Variants in TOGARAM2 observed in about 807,000 individuals in gnomAD.
TOGARAM2 encodes the protein TOG array regulator of axonemal microtubules 2.
In TOGARAM2, 85 loss-of-function variants were observed where a neutral mutation model predicts 93.3. That is an observed-to-expected ratio of 0.91 (90% CI 0.76 to 1.09). TOGARAM2 has a LOEUF of 1.09. Among genes scored for constraint, TOGARAM2 ranks in the 50% least tolerant of loss-of-function variants. TOGARAM2 has a pLI of 0.00. For synonymous variants in TOGARAM2, 593 were observed against 552.8 expected (o/e 1.07, Z -1.02); for missense variants, 1,277 against 1,334.5 (o/e 0.96, Z 0.67).
Position 29,031,190 on chromosome 2 carries a change from G to T in TOGARAM2, c.2013-1744G>T, listed in dbSNP as rs1416139413. 2.6e-5 allele frequency among the ~76,000 whole-genome samples: 4 copies of T among 152,214 alleles called. No homozygotes were observed. In the East Asian group the frequency reaches 5.8e-4, roughly 22 times the overall value. On this transcript the variant is annotated intron_variant, in intron 14 of 19. Transcript: ENST00000379558. ...TTGTAGTTTTAAGAGATGGGGTCTT[G>T]CTATGTTGCCCAGGTTGGAGTGCAG...
chr2:28,980,177 G>A (rs1672124507), upstream of TOGARAM2, among the ~76,000 whole-genome samples: 1 of 152,180 alleles, frequency 6.6e-6, no homozygotes, highest in Admixed American at 6.5e-5. Context: ...TCTGGCTTGG[G>A]GCCAGCACCT....
chr2:29,038,564 C>G (rs2148383744), intron 18 of TOGARAM2, among the ~76,000 whole-genome samples: 1 of 152,290 alleles, frequency 6.6e-6, no homozygotes, highest in South Asian at 2.1e-4. Context: ...CAATCTCTGC[C>G]TCCTAAGTAG....
Position 29,014,455 on chromosome 2 carries a change from T to G in TOGARAM2, c.938T>G (p.Leu313Arg). ...DRPAAAKKPALPFSQSAPTLT... is the reference protein window; with the variant it reads ...DRPAAAKKPARPFSQSAPTLT... ...CCTGCCGCTGCCAAGAAGCCTGCCC[T>G]GCCTTTTTCTCAGTCTGCTCCCACG... The change falls in exon 8 of 20, where the codon CTG becomes CGG. Residue 313 changes from leucine to arginine, a missense_variant. Coordinates refer to ENST00000379558, the MANE Select transcript of TOGARAM2 (RefSeq NM_199280.4). The G allele has an allele frequency of 1.2e-6, 2 of 1,606,908 alleles. No homozygotes were observed. The highest frequency in any genetic ancestry group is 1.7e-6 in the Non-Finnish European group (2 of 1,176,932).
intron 1 of TOGARAM2, among the ~76,000 whole-genome samples, chr2:28,975,073 A>AT (rs891174957): frequency 7.8e-5 from 11 of 141,774 alleles, no homozygotes; most frequent in African/African-American, 1.8e-4. Context: ...TCTTTCTTAA[A>AT]TTTTTTTTTT....
chr2:28,996,187 G>A (rs2148272417), intron 2 of TOGARAM2, among the ~76,000 whole-genome samples: 1 of 152,320 alleles, frequency 6.6e-6, no homozygotes, highest in Non-Finnish European at 1.5e-5. Flanking sequence ...CATTCAATGA[G>A]TAATGATCAA....
At chr2:29,003,871 C>G (rs1028155946) in intron 6 of TOGARAM2, among the ~76,000 whole-genome samples, 189 bp downstream of exon 6, 1 of 152,256 alleles carries the variant, frequency 6.6e-6, no homozygotes, top group Non-Finnish European at 1.5e-5. Flanking sequence ...GCCGGGGCTT[C>G]TCTGCCTCTT....
At position 29,045,390 on chromosome 2, in the gene TOGARAM2, A is replaced by G; in HGVS notation, c.2702A>G (p.Asp901Gly). The G allele has an allele frequency of 6.2e-7, 1 of 1,613,488 alleles. No individual in the cohort carries two copies. Residue 901 changes from aspartate (D) to glycine (G), a missense_variant, in exon 19 of 20, where the codon GAT (aspartate) becomes GGT (glycine). Physicochemically the swap from Asp to Gly is moderately conservative, Grantham distance 94. Transcript: ENST00000379558. ...TTCCTGAGTGGCCGTGCGGTGCTGGATGTCACAGATCGCCTGGCAGGTGAG... is the reference window on the plus strand; with the variant it reads ...TTCCTGAGTGGCCGTGCGGTGCTGGGTGTCACAGATCGCCTGGCAGGTGAG... ...VRFLSGRAVL[D>G]VTDRLAVLVA... is the part of the protein sequence containing the mutation.
chr2:29,017,225 T>G lies in TOGARAM2; in HGVS notation c.1116T>G (p.Leu372=), dbSNP rs1397166032. ...QLKQMKEMEL[L]RRLEEPRTGQ... is the part of the protein sequence containing the mutation. ...AGCAGATGAAGGAGATGGAGCTGCT[T>G]CGGAGGCTGGAGGAGCCCAGGACAG... The change falls in exon 9 of 20, where the codon CTT becomes CTG. Residue 372 remains leucine (L), a synonymous_variant. Transcript: ENST00000379558. 6.2e-7 allele frequency: 1 copy of G among 1,613,788 alleles called. No individual in the cohort carries two copies.
At chr2:29,040,430 GT>G (rs1420509533) in intron 18 of TOGARAM2, among the ~76,000 whole-genome samples, 1 of 152,200 alleles carries the variant, frequency 6.6e-6, no homozygotes, top group African/African-American at 2.4e-5. Flanking sequence ...ATTTTTTTGA[GT>G]TTTTTCCTGT....
At chr2:28,998,359 T>C in intron 3 of TOGARAM2, 106 bp downstream of exon 3, 1 of 724,208 alleles carries the variant, frequency 1.4e-6, no homozygotes, top group Non-Finnish European at 2.3e-6. Flanking sequence ...GCAGGTGTTA[T>C]TTTTCCTGTG....
Position 29,006,127 on chromosome 2 carries a change from A to ATGTG in TOGARAM2, c.830+2450_830+2453dup, listed in dbSNP as rs60300825. Among the ~76,000 whole-genome samples, 1,298 of 144,376 alleles carry ATGTG rather than the reference A, an allele frequency of 9.0e-3. 11 individuals are homozygous for ATGTG. The highest frequency in any genetic ancestry group is 0.014 in the Non-Finnish European group (937 of 65,988). 94.7% of individuals were successfully genotyped at this position (144,376 alleles called of 152,430 possible). A position where few individuals can be genotyped will look rare whatever the true frequency, so the allele number is the denominator to read the frequency against. Reference sequence around the variant, plus strand: ...GTGTGTGGAGTGCATATGTGTGTGCATGTGTGTGAGAGCATGCATGTGCGT... The same window carrying ATGTG: ...GTGTGTGGAGTGCATATGTGTGTGCATGTGTGTGTGTGAGAGCATGCATGTGCGT... On this transcript the variant is annotated intron_variant, in intron 6 of 19. Coordinates refer to ENST00000379558, the MANE Select transcript of TOGARAM2 (RefSeq NM_199280.4).
At position 29,029,754 on chromosome 2, in the gene TOGARAM2, T is replaced by TAAAAAA. The variant is rs764355917; in HGVS notation, c.2012+2751_2012+2756dup. 1.3e-4 allele frequency among the ~76,000 whole-genome samples: 16 copies of TAAAAAA among 127,118 alleles called. 1 individual carries two copies. The highest frequency in any genetic ancestry group is 2.0e-4 in the African/African-American group (7 of 34,148). The allele number at this position is 127,118 out of a possible 152,430, so 83.4% of individuals were successfully genotyped here. ...CTGGGCGACAGAACAAGGCTCTGTC[T>TAAAAAA]AAAAAAAAAAAAAGAATGACATAAT... On this transcript the variant is annotated intron_variant, in intron 14 of 19. Transcript: ENST00000379558.
At position 29,052,078 on chromosome 2, in the gene TOGARAM2, T is replaced by C; in HGVS notation, c.3045T>C (p.Pro1015=). ...PDSKTTGSSY[P]FQLD ...GCAAGACAACTGGCAGCTCATACCC[T>C]TTTCAGCTGGATTAAAGATGGATCT... is the stretch of plus-strand genomic sequence containing the variant. The change falls in exon 20 of 20, where the codon CCT becomes CCC. Residue 1015 remains proline, a synonymous_variant. Transcript: ENST00000379558. 6.4e-7 allele frequency: 1 copy of C among 1,572,890 alleles called. No individual in the cohort carries two copies. The highest frequency in any genetic ancestry group is 1.2e-5 in the South Asian group (1 of 86,178).
intron 14 of TOGARAM2, among the ~76,000 whole-genome samples, chr2:29,029,965 CA>C (rs888729769): frequency 1.3e-5 from 2 of 152,080 alleles, no homozygotes; most frequent in Non-Finnish European, 2.9e-5. Context: ...AAAATTAAAA[CA>C]AAAACAGGCA....
At chr2:28,958,843 C>A (rs1256175794) in intron 1 of TOGARAM2, among the ~76,000 whole-genome samples, 1 of 152,174 alleles carries the variant, frequency 6.6e-6, no homozygotes, top group Non-Finnish European at 1.5e-5. Context: ...TTTATCCCAG[C>A]CTTCTGGGAG....
chr2:28,976,790 G>T (rs1672044900), upstream of TOGARAM2, among the ~76,000 whole-genome samples: 1 of 152,204 alleles, frequency 6.6e-6, no homozygotes, highest in Non-Finnish European at 1.5e-5. Flanking sequence ...AACTTCCCAG[G>T]GAACACGTCA....
At chr2:29,045,552 T>G (rs1489159508) in intron 19 of TOGARAM2, 142 bp downstream of exon 19, 9 of 728,794 alleles carry the variant, frequency 1.2e-5, no homozygotes, top group Middle Eastern at 2.3e-4. Flanking sequence ...TCTGCTTTTT[T>G]TGTGTGTGAC....
Position 29,004,949 on chromosome 2 carries a change from TGTGC to T in TOGARAM2, c.830+1268_830+1271del, listed in dbSNP as rs1558421056. ...GTGTGAGTGCATGTGTGTGCATGTG[TGTGC>T]ATGTGTATGTGTGTGAGTGCATGTG... On this transcript the variant is annotated intron_variant, in intron 6 of 19. Transcript: ENST00000379558. Among the ~76,000 whole-genome samples the T allele has an allele frequency of 1.4e-3, 191 of 136,234 alleles. 2 individuals carry two copies. In the East Asian group the frequency reaches 0.037, roughly 26 times the overall value. The allele number at this position is 136,234 out of a possible 152,430, so 89.4% of individuals were successfully genotyped here.
intron 7 of TOGARAM2, among the ~76,000 whole-genome samples, chr2:29,013,964 C>A (rs1394453781): frequency 6.6e-6 from 1 of 151,836 alleles, no homozygotes; most frequent in East Asian, 1.9e-4. Flanking sequence ...GCAACTCTGC[C>A]CTTTCCTGCT....
Sources: gnomAD v4.1 joint callset for allele counts (sites outside exome capture counted in the v4.1 genomes callset) on GRCh38, gnomAD v4.1.1 for gene constraint, MANE v1.5 for transcripts, NCBI Gene and HGNC (gene_info 2026-07-23, HGNC 2026-07-21) for gene names.